The following MCF2L2 variants were observed in gnomAD, a reference collection of about 807,000 sequenced individuals.
MCF2L2 encodes the protein probable guanine nucleotide exchange factor MCF2L2.
A neutral mutation model predicts 150.2 loss-of-function variants in MCF2L2; 102 were observed. That is an observed-to-expected ratio of 0.68 (90% confidence interval 0.58 to 0.80). MCF2L2 has a LOEUF of 0.80. Ranked by LOEUF, MCF2L2 falls within the 30% of genes least tolerant of loss-of-function variation. The probability of loss-of-function intolerance (pLI) is 0.00; values close to 1 mark genes in which losing one functional copy is unlikely to be tolerated. For synonymous variants in MCF2L2, 465 were observed against 491.3 expected (o/e 0.95, Z 0.71); for missense variants, 1,256 against 1,372.8 (o/e 0.91, Z 1.34).
At chr3:183,288,453 G>A (rs1449759455) in intron 14 of MCF2L2, among the ~76,000 whole-genome samples, 1 of 150,772 alleles carries the variant, frequency 6.6e-6, no homozygotes, top group Non-Finnish European at 1.5e-5. Flanking sequence ...GCATGTGTGT[G>A]TGCAGCTCTG....
At chr3:183,348,242 G>A (rs1452489211) in intron 3 of MCF2L2, among the ~76,000 whole-genome samples, 1 of 152,104 alleles carries the variant, frequency 6.6e-6, no homozygotes, top group Non-Finnish European at 1.5e-5. Flanking sequence ...ACGAGTTCAT[G>A]TTCTTTGCAG....
chr3:183,208,724 C>T (rs1722584044), intron 22 of MCF2L2, among the ~76,000 whole-genome samples: 3 of 152,174 alleles, frequency 2.0e-5, no homozygotes. Context: ...AAAGAAATCT[C>T]CCTAAGTGAC....
intron 15 of MCF2L2, among the ~76,000 whole-genome samples, chr3:183,261,020 A>G (rs1026801155): frequency 6.6e-6 from 1 of 152,206 alleles, no homozygotes; most frequent in Non-Finnish European, 1.5e-5. Context: ...TAGAGGTCTT[A>G]TATTGGAAAT....
At chr3:183,199,590 T>C (rs1190124590) in intron 25 of MCF2L2, among the ~76,000 whole-genome samples, 1 of 152,052 alleles carries the variant, frequency 6.6e-6, no homozygotes, top group Non-Finnish European at 1.5e-5. Context: ...GGTTAGAAAA[T>C]TTATTTTCAG....
chr3:183,312,138 C>T (rs551002940), intron 7 of MCF2L2, among the ~76,000 whole-genome samples: 29 of 152,242 alleles, frequency 1.9e-4, no homozygotes, highest in Non-Finnish European at 2.2e-4. Context: ...GAATGTTGAA[C>T]GCTAGAAACT....
intron 1 of MCF2L2, 73 bp from the exon 2 acceptor site, chr3:183,389,852 G>A (rs2108598396): frequency 7.9e-7 from 1 of 1,260,158 alleles, no homozygotes; most frequent in East Asian, 2.3e-5. Context: ...AAGAAACAAA[G>A]GCAAGTTGTA....
intron 25 of MCF2L2, among the ~76,000 whole-genome samples, chr3:183,198,706 G>A (rs1052043205): frequency 3.3e-5 from 5 of 152,262 alleles, no homozygotes; most frequent in Admixed American, 2.0e-4. Flanking sequence ...GTTCTGGGGT[G>A]GAACCTAGAA....
chr3:183,385,200 GTTTAT>G (rs2108593684), intron 2 of MCF2L2, among the ~76,000 whole-genome samples: 1 of 152,288 alleles, frequency 6.6e-6, no homozygotes, highest in East Asian at 1.9e-4. Context: ...CATTGTATCT[GTTTAT>G]TTTAACCTTT....
intron 13 of MCF2L2, among the ~76,000 whole-genome samples, 177 bp from the exon 14 acceptor site, chr3:183,289,397 A>G (rs1727991626): frequency 6.6e-6 from 1 of 152,240 alleles, no homozygotes; most frequent in Non-Finnish European, 1.5e-5. Context: ...AGAGACACAG[A>G]GGAGAAATAG....
intron 3 of MCF2L2, 64 bp downstream of exon 3, chr3:183,379,233 T>C: frequency 1.6e-6 from 2 of 1,248,564 alleles, no homozygotes; most frequent in Non-Finnish European, 2.3e-6. Context: ...AACCCAGCCC[T>C]GCCACATGGG....
At chr3:183,286,685 A>G (rs1006083875) in intron 14 of MCF2L2, among the ~76,000 whole-genome samples, 1 of 152,228 alleles carries the variant, frequency 6.6e-6, no homozygotes, top group African/African-American at 2.4e-5. Flanking sequence ...TTGGGGATTT[A>G]GTGCACAAAT....
At position 183,179,840 on chromosome 3, in the gene MCF2L2, GACCGGAC is replaced by G. The variant is rs1178818055; in HGVS notation, c.3106-155_3106-149del. 1.3e-6 allele frequency: 1 copy of G among 762,524 alleles called. No individual in the cohort carries two copies. The highest frequency in any genetic ancestry group is 2.5e-5 in the East Asian group (1 of 40,072). The allele number at this position is 762,524 out of a possible 1,614,324, so 47.2% of individuals were successfully genotyped here. On this transcript the variant is annotated intron_variant, in intron 28 of 29. Coordinates refer to ENST00000328913, the MANE Select transcript of MCF2L2 (RefSeq NM_015078.4). The surrounding 1 kb of genome is among the most constrained non-coding windows in gnomAD (Gnocchi z 4.2). ...GGCTCTCAGCGGGAGCCCCAGTTATGACCGGACACCAGCGCACCGCCAAGGAGACAGC... is the reference window on the plus strand; with the variant it reads ...GGCTCTCAGCGGGAGCCCCAGTTATGACCAGCGCACCGCCAAGGAGACAGC...
At chr3:183,386,604 C>T (rs1271422500) in intron 2 of MCF2L2, among the ~76,000 whole-genome samples, 1 of 152,190 alleles carries the variant, frequency 6.6e-6, no homozygotes, top group African/African-American at 2.4e-5. Flanking sequence ...TTCCAGAGAT[C>T]AGTGAAATTG....
At chr3:183,316,228 G>A (rs985278627) in intron 7 of MCF2L2, among the ~76,000 whole-genome samples, 1 of 152,152 alleles carries the variant, frequency 6.6e-6, no homozygotes, top group East Asian at 1.9e-4. Context: ...AAAAGCAAAG[G>A]CCAAGCTTCT....
rs151026623 is a variant in MCF2L2, at chr3:183,270,644, C to T, written c.1862+6228G>A. On this transcript the variant is annotated intron_variant, in intron 15 of 29. Coordinates refer to ENST00000328913, the MANE Select transcript of MCF2L2 (RefSeq NM_015078.4). This position sits in a 1 kb window ranked among gnomAD's most constrained non-coding sequence, Gnocchi z 4.5. ...CACTAAATTCAAGTCTTTACATAGA[C>T]GATGTGTTCATGGGCCTCTGTGCCA... is the stretch of plus-strand genomic sequence containing the variant. The T allele has an allele frequency of 5.5e-5, 89 of 1,613,948 alleles. 1 individual carries two copies. The highest frequency in any genetic ancestry group is 1.6e-4 in the Middle Eastern group (1 of 6,084).
intron 15 of MCF2L2, chr3:183,269,697 A>G (rs893572757): frequency 9.5e-7 from 1 of 1,055,956 alleles, no homozygotes; most frequent in Non-Finnish European, 1.4e-6. Context: ...ACCAACATGT[A>G]TTAAGATGGA....
Position 183,270,536 on chromosome 3 carries a change from G to C in MCF2L2, c.1862+6336C>G. 1.2e-6 allele frequency: 2 copies of C among 1,614,108 alleles called. No individual in the cohort carries two copies. Among genetic ancestry groups the C allele is most frequent in the Non-Finnish European group, 1.7e-6 (2 of 1,179,996 alleles). The stretch of plus-strand genomic sequence containing the variant: ...ACGTGTCCTATGAAATGTACCAGTG[G>C]CCAGCTTACCCTGACTACACAGCCG... On this transcript the variant is annotated intron_variant, in intron 15 of 29. Coordinates refer to ENST00000328913, the MANE Select transcript of MCF2L2 (RefSeq NM_015078.4). This position sits in a 1 kb window ranked among gnomAD's most constrained non-coding sequence, Gnocchi z 4.5.
intron 15 of MCF2L2, chr3:183,272,097 CAG>C (rs2108449964): frequency 2.1e-6 from 2 of 939,082 alleles, no homozygotes; most frequent in East Asian, 1.2e-4. Context: ...AACTTGAAAA[CAG>C]AGTAAAAAAG....
chr3:183,271,614 A>G (rs1005928665), intron 15 of MCF2L2: 7 of 167,006 alleles, frequency 4.2e-5, no homozygotes. Flanking sequence ...CTAATACTTT[A>G]TATGTTTTTA....
Sources: gnomAD v4.1 joint callset for allele counts (sites outside exome capture counted in the v4.1 genomes callset) on GRCh38, gnomAD v4.1.1 for gene constraint, Gnocchi (gnomAD v3.1) non-coding constraint, MANE v1.5 for transcripts, NCBI Gene and HGNC (gene_info 2026-07-23, HGNC 2026-07-21) for gene names.